The following B4GALT5 variants were observed in gnomAD, a reference collection of about 807,000 sequenced individuals.
B4GALT5 encodes beta-1,4-galactosyltransferase 5, also known as UDP-Gal:beta-GlcNAc beta-1,4-galactosyltransferase 5.
In B4GALT5, 11 loss-of-function variants were observed where a neutral mutation model predicts 45.0. The ratio of observed to expected loss-of-function variants is 0.24; its 90% CI spans 0.15 to 0.40. The LOEUF is 0.40. Ranked by LOEUF, B4GALT5 falls within the 10% of genes least tolerant of loss-of-function variation. B4GALT5 has a pLI of 1.00. For synonymous variants in B4GALT5, 185 were observed against 182.9 expected, an observed-to-expected ratio of 1.01 and a Z score of -0.09; for missense variants, 337 against 500.2, an observed-to-expected ratio of 0.67 and a Z score of 3.11.
rs567453527 is a variant in B4GALT5, at chr20:49,702,180, T to A, written c.115+11396A>T. Among the ~76,000 whole-genome samples, 10 of 152,228 alleles carry A rather than the reference T, an allele frequency of 6.6e-5. No homozygotes were observed. The South Asian group carries it at 2.1e-3, about 32-fold the overall frequency. On this transcript the variant is annotated intron_variant, in intron 1 of 8. Transcript: ENST00000371711. ...AATAAATCCCGTGTCGCCTGCCGAA[T>A]CCGAATCTAAATAAATGAATAAAGA...
chr20:49,687,880 A>T (rs990638425), intron 1 of B4GALT5, among the ~76,000 whole-genome samples: 24 of 143,662 alleles, frequency 1.7e-4, no homozygotes, highest in South Asian at 4.3e-4. Flanking sequence ...AGAGAAAATT[A>T]AAAAAAAAAA....
intron 1 of B4GALT5, among the ~76,000 whole-genome samples, chr20:49,681,825 G>C (rs2085765251): frequency 6.6e-6 from 1 of 152,204 alleles, no homozygotes; most frequent in South Asian, 2.1e-4. Context: ...GCTGGGCGTG[G>C]TGGCTCACGC....
intron 1 of B4GALT5, among the ~76,000 whole-genome samples, chr20:49,689,095 G>A (rs1473129136): frequency 1.3e-5 from 2 of 152,166 alleles, no homozygotes; most frequent in African/African-American, 4.8e-5. Context: ...TTTGTATTGA[G>A]TGCTAGCCTG....
At chr20:49,678,456 C>T (rs1265256855) in intron 1 of B4GALT5, among the ~76,000 whole-genome samples, 1 of 152,168 alleles carries the variant, frequency 6.6e-6, no homozygotes, top group Non-Finnish European at 1.5e-5. Context: ...AGATGTCTTG[C>T]TATTCTAGCT....
intron 2 of B4GALT5, 128 bp from the exon 3 acceptor site, chr20:49,647,206 A>G: frequency 1.7e-6 from 1 of 587,096 alleles, no homozygotes; most frequent in East Asian, 2.9e-5. Context: ...ACTCTGGACT[A>G]CCGCTTTGAT....
At chr20:49,683,496 C>T (rs1399114305) in intron 1 of B4GALT5, among the ~76,000 whole-genome samples, 7 of 148,214 alleles carry the variant, frequency 4.7e-5, no homozygotes, top group South Asian at 2.1e-4. Context: ...TGGGTTCAAG[C>T]GATTCTCATG....
chr20:49,687,049 G>T (rs796671447), intron 1 of B4GALT5, among the ~76,000 whole-genome samples: 13 of 152,224 alleles, frequency 8.5e-5, no homozygotes, highest in African/African-American at 3.1e-4. Context: ...TCTCAATTAG[G>T]GGTGCTTTTG....
intron 4 of B4GALT5, among the ~76,000 whole-genome samples, 184 bp downstream of exon 4, chr20:49,643,342 A>G (rs1295990478): frequency 6.6e-6 from 1 of 152,226 alleles, no homozygotes; most frequent in African/African-American, 2.4e-5. Flanking sequence ...AGAATAATGC[A>G]AATTTCTGTA....
chr20:49,642,242 T>C (rs1157581295), intron 5 of B4GALT5, among the ~76,000 whole-genome samples: 3 of 152,156 alleles, frequency 2.0e-5, no homozygotes, highest in Non-Finnish European at 4.4e-5. Context: ...CCTTTGTTCA[T>C]GAGCCAACAA....
intron 1 of B4GALT5, among the ~76,000 whole-genome samples, chr20:49,703,617 G>A (rs923976274): frequency 6.6e-6 from 1 of 152,070 alleles, no homozygotes; most frequent in South Asian, 2.1e-4. Flanking sequence ...AGCCGGGCAT[G>A]GTGGCTCAAG....
At position 49,634,867 on chromosome 20, in the gene B4GALT5, A is replaced by G. The variant is rs1167050086; in HGVS notation, c.*1445T>C. On this transcript the variant is annotated 3_prime_UTR_variant, in exon 9 of 9. Transcript: ENST00000371711. The stretch of plus-strand genomic sequence containing the variant: ...AGGCGACAGAGCCAGACCGTCTTAA[A>G]AAACAAAACAAAAAATAATATGACT... 6.6e-6 allele frequency: 1 copy of G among 152,290 alleles called. No individual in the cohort carries two copies. The highest frequency in any genetic ancestry group is 1.5e-5 in the Non-Finnish European group (1 of 68,122). The allele number at this position is 152,290 out of a possible 1,614,324, so 9.4% of individuals were successfully genotyped here.
chr20:49,711,719 G>A (rs926889564), intron 1 of B4GALT5, among the ~76,000 whole-genome samples: 10 of 152,132 alleles, frequency 6.6e-5, no homozygotes, highest in African/African-American at 2.2e-4. Flanking sequence ...CTTCCTAGAG[G>A]AACACTTTTC....
At chr20:49,692,149 C>T (rs2085815742) in intron 1 of B4GALT5, among the ~76,000 whole-genome samples, 1 of 151,872 alleles carries the variant, frequency 6.6e-6, no homozygotes, top group African/African-American at 2.4e-5. Context: ...GTATTCTCAC[C>T]TACTGTTTTT....
chr20:49,671,066 A>T (rs1332841279), intron 1 of B4GALT5, among the ~76,000 whole-genome samples: 1 of 152,214 alleles, frequency 6.6e-6, no homozygotes, highest in Admixed American at 6.5e-5. Context: ...TTGTTTTAGA[A>T]GTACTCACTA....
intron 1 of B4GALT5, among the ~76,000 whole-genome samples, 163 bp from the exon 2 acceptor site, chr20:49,656,865 G>A (rs748781616): frequency 1.3e-5 from 2 of 151,552 alleles, no homozygotes; most frequent in Non-Finnish European, 2.9e-5. Flanking sequence ...TACCTTTCAG[G>A]ACACCAACAT....
intron 1 of B4GALT5, among the ~76,000 whole-genome samples, chr20:49,677,396 G>A (rs1488534642): frequency 1.3e-5 from 2 of 152,102 alleles, no homozygotes; most frequent in East Asian, 3.8e-4. Flanking sequence ...GCATTTCCAG[G>A]ATAGCACTAT....
chr20:49,652,632 A>G (rs184800399), intron 2 of B4GALT5, among the ~76,000 whole-genome samples: 42 of 151,954 alleles, frequency 2.8e-4, no homozygotes, highest in African/African-American at 1.0e-3. Context: ...TCACAAACCA[A>G]TGGCTTTCAG....
chr20:49,702,352 C>T (rs1248526481), intron 1 of B4GALT5, among the ~76,000 whole-genome samples: 12 of 152,086 alleles, frequency 7.9e-5, no homozygotes, highest in Admixed American at 7.9e-4. Context: ...AAAGAATGGG[C>T]ACACTGTAGG....
At chr20:49,708,845 T>C (rs776865109) in intron 1 of B4GALT5, among the ~76,000 whole-genome samples, 4 of 151,454 alleles carry the variant, frequency 2.6e-5, no homozygotes, top group Non-Finnish European at 4.4e-5. Flanking sequence ...GGCAGGAGAA[T>C]TGCTTGAACC....
Sources: gnomAD v4.1 joint callset for allele counts (sites outside exome capture counted in the v4.1 genomes callset) on GRCh38, gnomAD v4.1.1 for gene constraint, MANE v1.5 for transcripts, NCBI Gene and HGNC (gene_info 2026-07-23, HGNC 2026-07-21) for gene names.